Variants in NDUFS4 observed in about 807,000 individuals in gnomAD.
NDUFS4 encodes the protein NADH:ubiquinone oxidoreductase subunit S4.
Under a neutral mutation model 24.3 loss-of-function variants are expected in NDUFS4, and 28 were observed. The ratio of observed to expected loss-of-function variants is 1.15; its 90% confidence interval spans 0.85 to 1.58. NDUFS4 has a LOEUF of 1.58. Ranked by LOEUF, NDUFS4 falls within the 40% of genes most tolerant of loss-of-function variation. NDUFS4 has a pLI of 0.00. For missense variants in NDUFS4, 223 were observed against 207.9 expected, an observed-to-expected ratio of 1.07 and a Z score of -0.45; for synonymous variants, 93 against 69.7, an observed-to-expected ratio of 1.34 and a Z score of -1.67.
At chr5:53,667,667 C>T (rs928929929) in intron 4 of NDUFS4, among the ~76,000 whole-genome samples, 1 of 151,786 alleles carries the variant, frequency 6.6e-6, no homozygotes, top group Non-Finnish European at 1.5e-5. Context: ...TTGAGTGAAC[C>T]GATGTTCTGA....
chr5:53,618,296 G>T (rs1034730862), intron 2 of NDUFS4, among the ~76,000 whole-genome samples: 1 of 151,744 alleles, frequency 6.6e-6, no homozygotes, highest in Non-Finnish European at 1.5e-5. Flanking sequence ...AATAAATAAC[G>T]CATTATGTTC....
At chr5:53,680,872 C>T (rs935087810) in intron 4 of NDUFS4, among the ~76,000 whole-genome samples, 1 of 151,962 alleles carries the variant, frequency 6.6e-6, no homozygotes, top group Admixed American at 6.6e-5. Flanking sequence ...TTCAAGCACT[C>T]AGCATGGGGA....
chr5:53,626,752 G>GT (rs985253743), intron 2 of NDUFS4, among the ~76,000 whole-genome samples: 6 of 151,920 alleles, frequency 3.9e-5, no homozygotes, highest in Middle Eastern at 6.3e-3. Context: ...TCATAAATTT[G>GT]TTTAAGTTCT....
chr5:53,660,653 C>T (rs1404993914), intron 4 of NDUFS4, among the ~76,000 whole-genome samples: 2 of 152,112 alleles, frequency 1.3e-5, no homozygotes, highest in Non-Finnish European at 2.9e-5. Flanking sequence ...ACATCCTCTC[C>T]AGCACCTGTT....
intron 4 of NDUFS4, among the ~76,000 whole-genome samples, chr5:53,667,953 C>G (rs981776902): frequency 6.6e-6 from 1 of 152,178 alleles, no homozygotes; most frequent in Admixed American, 6.5e-5. Context: ...AGCCCAGTGC[C>G]TTACTCATAT....
chr5:53,576,092 A>G (rs1258420009), intron 1 of NDUFS4, among the ~76,000 whole-genome samples: 1 of 152,212 alleles, frequency 6.6e-6, no homozygotes, highest in African/African-American at 2.4e-5. Flanking sequence ...TCAGAGATCT[A>G]TTTAGAGTAA....
intron 4 of NDUFS4, among the ~76,000 whole-genome samples, chr5:53,665,439 G>A (rs1752483376): frequency 6.6e-6 from 1 of 152,230 alleles, no homozygotes; most frequent in Non-Finnish European, 1.5e-5. Flanking sequence ...GTCTACAGAG[G>A]CAGGCAGGCC....
At chr5:53,574,084 A>C (rs1749309264) in intron 1 of NDUFS4, among the ~76,000 whole-genome samples, 1 of 152,226 alleles carries the variant, frequency 6.6e-6, no homozygotes, top group Non-Finnish European at 1.5e-5. Context: ...CTTCCTTTCC[A>C]ATCACTAGGT....
chr5:53,600,294 C>T (rs573050968), intron 1 of NDUFS4, among the ~76,000 whole-genome samples: 13 of 149,696 alleles, frequency 8.7e-5, no homozygotes, highest in South Asian at 6.4e-4. Flanking sequence ...CCGGCCCGCC[C>T]GGCCTATTTT....
intron 4 of NDUFS4, among the ~76,000 whole-genome samples, chr5:53,662,535 T>G (rs1030143596): frequency 2.0e-5 from 3 of 152,180 alleles, no homozygotes; most frequent in African/African-American, 7.2e-5. Flanking sequence ...GGATTCCTTC[T>G]TTTTCTATTG....
intron 2 of NDUFS4, among the ~76,000 whole-genome samples, chr5:53,619,505 A>AAC (rs1750963804): frequency 6.6e-6 from 1 of 150,614 alleles, no homozygotes; most frequent in South Asian, 2.1e-4. Flanking sequence ...AAAAAAAAAA[A>AAC]AAACACATTA....
At chr5:53,566,032 G>A (rs988252438) in intron 1 of NDUFS4, among the ~76,000 whole-genome samples, 3 of 152,192 alleles carry the variant, frequency 2.0e-5, no homozygotes, top group African/African-American at 7.2e-5. Flanking sequence ...AATTAGCCGG[G>A]TGCGGTGGCG....
chr5:53,630,152 T>C (rs887111416), intron 2 of NDUFS4, among the ~76,000 whole-genome samples: 4 of 152,240 alleles, frequency 2.6e-5, no homozygotes, highest in African/African-American at 9.6e-5. Context: ...TTAATTTGGC[T>C]GGGTATGAAA....
rs76597142 is a variant in NDUFS4, at chr5:53,611,191, A to G, written c.177+7661A>G. Among the ~76,000 whole-genome samples, 869 of 151,968 alleles carry G rather than the reference A, an allele frequency of 5.7e-3. 9 individuals are homozygous for G. The highest frequency in any genetic ancestry group is 0.019 in the African/African-American group (779 of 41,494). On this transcript the variant is annotated intron_variant, in intron 2 of 4. Coordinates refer to ENST00000296684, the MANE Select transcript of NDUFS4 (RefSeq NM_002495.4). ...GGATGTCAGTGCTAATACAAGTACA[A>G]AGAAAAACTTGTGGTTTTTTTTTTT...
intron 1 of NDUFS4, among the ~76,000 whole-genome samples, chr5:53,594,146 A>G (rs761818162): frequency 2.6e-5 from 4 of 152,158 alleles, no homozygotes; most frequent in African/African-American, 4.8e-5. Context: ...AGAATGTTGA[A>G]GTGTCCCACA....
chr5:53,604,699 AT>A (rs1750441581), intron 2 of NDUFS4: 7 of 454,844 alleles, frequency 1.5e-5, no homozygotes, highest in Middle Eastern at 3.3e-4. Context: ...GTCTTGCCTG[AT>A]TTAGCTCCTG....
rs115363020 is a variant in NDUFS4, at chr5:53,657,446, A to G, written c.351-1105A>G. Among the ~76,000 whole-genome samples, 6 of 152,226 alleles carry G rather than the reference A, an allele frequency of 3.9e-5. No homozygotes were observed. In the South Asian group the frequency reaches 1.0e-3, roughly 26 times the overall value. The stretch of plus-strand genomic sequence containing the variant: ...ATTAGTGGGTCTTCCCGTCAGTGAG[A>G]GGTACTCCCCATTTATTCTCTTCTT... On this transcript the variant is annotated intron_variant, in intron 3 of 4. Coordinates refer to ENST00000296684, the MANE Select transcript of NDUFS4 (RefSeq NM_002495.4).
chr5:53,678,477 G>T (rs1740549166), intron 4 of NDUFS4, among the ~76,000 whole-genome samples: 1 of 152,120 alleles, frequency 6.6e-6, no homozygotes, highest in South Asian at 2.1e-4. Flanking sequence ...GGACTCCATT[G>T]CTTTGATCTT....
intron 1 of NDUFS4, among the ~76,000 whole-genome samples, chr5:53,595,997 T>G (rs1053686572): frequency 6.6e-6 from 1 of 152,244 alleles, no homozygotes; most frequent in Non-Finnish European, 1.5e-5. Flanking sequence ...GCAAAAACTT[T>G]AAGTGAGAAT....
Sources: allele counts gnomAD v4.1 joint callset (sites outside exome capture counted in the v4.1 genomes callset), GRCh38; gene constraint gnomAD v4.1.1; transcripts MANE v1.5; gene names NCBI Gene and HGNC (gene_info 2026-07-23, HGNC 2026-07-21).